NONO: variants seen among roughly 807,000 people sequenced by gnomAD.
NONO encodes non-POU domain-containing octamer-binding protein.
Under a neutral mutation model 40.2 loss-of-function variants are expected in NONO, and 6 were observed. The ratio of observed to expected loss-of-function variants is 0.15; its 90% CI spans 0.08 to 0.29. The LOEUF (loss-of-function observed/expected upper bound fraction) is 0.29, where lower values mean the gene tolerates loss of function less well. NONO is among the 10% of genes least tolerant of loss of function. The pLI, the probability that NONO is intolerant of heterozygous loss-of-function variation, is 1.00. For missense variants in NONO, 133 were observed against 397.8 expected, an observed-to-expected ratio of 0.33 and a Z score of 5.66; for synonymous variants, 89 against 123.3, an observed-to-expected ratio of 0.72 and a Z score of 1.85.
At chrX:71,284,156 T>A in intron 1 of NONO, 1 of 111,980 alleles carries the variant, frequency 8.9e-6, no homozygotes, top group Non-Finnish European at 1.9e-5. Flanking sequence ...CCTCAAGCGA[T>A]ATTTCTTTGT....
In NONO at chrX:71,297,958, G is replaced by A. The variant is rs748362033; in HGVS notation, c.1131+20G>A. 5.8e-6 allele frequency: 6 copies of A among 1,040,425 alleles called. No homozygotes were observed. Among genetic ancestry groups the A allele is most frequent in the East Asian group, 3.0e-5 (1 of 32,944 alleles). The allele number at this position is 1,040,425 out of a possible 1,213,427, so 85.7% of individuals were successfully genotyped here. A position where few individuals can be genotyped will look rare whatever the true frequency, so the allele number is the denominator to read the frequency against. ...GATGCGGTATATCTCCCATGTGCCC[G>A]TGATGTACCAGACCAGTCCTGATAA... is the stretch of plus-strand genomic sequence containing the variant. On this transcript the variant is annotated intron_variant, in intron 9 of 11. Coordinates refer to ENST00000276079, the MANE Select transcript of NONO (RefSeq NM_007363.5).
Position 71,290,614 on chromosome X carries a change from A to T in NONO, c.-9-15A>T, listed in dbSNP as rs746580281. 1 of 1,190,187 alleles carries T rather than the reference A, an allele frequency of 8.4e-7. No homozygotes were observed. The highest frequency in any genetic ancestry group is 1.1e-6 in the Non-Finnish European group (1 of 879,265). ...TAGTACTGAATTTATTTATTAGTCTACTTTTTCTTTGTAGGGTGCAAAAAT... is the reference window on the plus strand; with the variant it reads ...TAGTACTGAATTTATTTATTAGTCTTCTTTTTCTTTGTAGGGTGCAAAAAT... On this transcript the variant is annotated splice_polypyrimidine_tract_variant and intron_variant, in intron 2 of 11. Transcript: ENST00000276079.
Position 71,300,385 on chromosome X carries a change from C to CG in NONO, c.*311dup. 3.7e-6 allele frequency: 1 copy of CG among 272,594 alleles called. No homozygotes were observed. The allele number at this position is 272,594 out of a possible 1,213,427, so 22.5% of individuals were successfully genotyped here. A position where few individuals can be genotyped will look rare whatever the true frequency, so the allele number is the denominator to read the frequency against. ...TAGAGCCCATTAATCTTGATCATTCCGGTTTTTTTTTTTTTTGTCCATCTT... is the reference window on the plus strand; with the variant it reads ...TAGAGCCCATTAATCTTGATCATTCCGGGTTTTTTTTTTTTTTGTCCATCTT... On this transcript the variant is annotated 3_prime_UTR_variant, in exon 12 of 12. Coordinates refer to ENST00000276079, the MANE Select transcript of NONO (RefSeq NM_007363.5).
chrX:71,289,657 A>C (rs750138167), intron 2 of NONO, among the ~76,000 whole-genome samples: 1 of 111,706 alleles, frequency 9.0e-6, no homozygotes, highest in East Asian at 2.8e-4. Context: ...GCTGGAGTGC[A>C]GTGGCACAGT....
chrX:71,300,597 G>GA lies in NONO; in HGVS notation c.*522dup, dbSNP rs936865006. ...CCCAAAATGCTGGGATTACAGGGGT[G>GA]AGCCACCGTGCCCAACCTCACTTGC... is the stretch of plus-strand genomic sequence containing the variant. On this transcript the variant is annotated 3_prime_UTR_variant, in exon 12 of 12. Coordinates refer to ENST00000276079, the MANE Select transcript of NONO (RefSeq NM_007363.5). 1.8e-4 allele frequency: 34 copies of GA among 185,524 alleles called. No homozygotes were observed. Among genetic ancestry groups the GA allele is most frequent in the Non-Finnish European group, 3.0e-4 (30 of 99,789 alleles). The allele number at this position is 185,524 out of a possible 1,213,427, so 15.3% of individuals were successfully genotyped here. A position where few individuals can be genotyped will look rare whatever the true frequency, so the allele number is the denominator to read the frequency against.
At chrX:71,286,603 A>G (rs1389242807) in intron 2 of NONO, among the ~76,000 whole-genome samples, 1 of 111,936 alleles carries the variant, frequency 8.9e-6, no homozygotes, top group African/African-American at 3.2e-5. Flanking sequence ...TTAAAATTAG[A>G]AAAAACCTTT....
At chrX:71,294,203 T>C in intron 4 of NONO, 24 bp from the exon 5 acceptor site, 1 of 1,204,737 alleles carries the variant, frequency 8.3e-7, no homozygotes, top group South Asian at 1.8e-5. Context: ...AACTGAGTTA[T>C]TCTGATTTTC....
At chrX:71,292,977 AACAT>A (rs973039810) in intron 4 of NONO, 2 of 112,163 alleles carry the variant, frequency 1.8e-5, no homozygotes, top group Non-Finnish European at 3.8e-5. Flanking sequence ...ATGATGGTAA[AACAT>A]ACATAACATA....
intron 9 of NONO, chrX:71,298,190 A>T (rs1248513442): frequency 1.6e-5 from 7 of 434,557 alleles, no homozygotes; most frequent in Non-Finnish European, 2.8e-5. Flanking sequence ...AACCTTGGCT[A>T]GTCCTCTGCT....
Position 71,299,944 on chromosome X carries a change from C to G in NONO, c.1284C>G (p.Thr428=). ...TMMPDGTLGL[T]PPTTERFGQA... Reference sequence around the variant, plus strand: ...GTTGCTCTCTTTTTCTCTTTAAGACCCCACCAACAACTGAACGCTTTGGTC... The same window carrying G: ...GTTGCTCTCTTTTTCTCTTTAAGACGCCACCAACAACTGAACGCTTTGGTC... The change falls in exon 12 of 12, where the codon ACC becomes ACG. Residue 428 remains threonine (T), a splice_region_variant and synonymous_variant. Transcript: ENST00000276079. The G allele has an allele frequency of 1.7e-6, 2 of 1,210,912 alleles. No individual in the cohort carries two copies. The highest frequency in any genetic ancestry group is 2.2e-6 in the Non-Finnish European group (2 of 895,109).
intron 11 of NONO, among the ~76,000 whole-genome samples, chrX:71,299,101 T>C (rs2031518864): frequency 8.9e-6 from 1 of 111,775 alleles, no homozygotes; most frequent in East Asian, 2.8e-4. Flanking sequence ...TTTGTATTTT[T>C]AGTAGAGATG....
At chrX:71,288,666 ACAGGCATGAGC>A (rs1395419255) in intron 2 of NONO, among the ~76,000 whole-genome samples, 1 of 113,055 alleles carries the variant, frequency 8.8e-6, no homozygotes, top group East Asian at 2.8e-4. Context: ...TGCTGGGATT[ACAGGCATGAGC>A]CATCTCGCCT....
chrX:71,284,175 T>C (rs777674223), intron 1 of NONO: 4 of 112,470 alleles, frequency 3.6e-5, no homozygotes, highest in Non-Finnish European at 7.5e-5. Flanking sequence ...GTCAAAACTC[T>C]TAGCTGGAAA....
At chrX:71,287,865 C>T (rs1437176363) in intron 2 of NONO, among the ~76,000 whole-genome samples, 2 of 87,288 alleles carry the variant, frequency 2.3e-5, no homozygotes, top group African/African-American at 9.3e-5. Flanking sequence ...CCCCCCTACC[C>T]TTTTTTTTTT....
At chrX:71,296,807 G>A (rs753354193) in intron 6 of NONO, 44 bp from the exon 7 acceptor site, 1 of 1,149,673 alleles carries the variant, frequency 8.7e-7, no homozygotes, top group Middle Eastern at 2.4e-4. Flanking sequence ...TCTTAGCTGG[G>A]GTAATTCTGG....
Position 71,284,437 on chromosome X carries a change from C to G in NONO, c.-26C>G, listed in dbSNP as rs1010633277. The G allele has an allele frequency of 4.5e-5, 5 of 111,885 alleles. No homozygotes were observed. The highest frequency in any genetic ancestry group is 1.6e-4 in the African/African-American group (5 of 30,777). 9.2% of individuals were successfully genotyped at this position (111,885 alleles called of 1,213,427 possible). On this transcript the variant is annotated 5_prime_UTR_variant, in exon 2 of 12. Transcript: ENST00000276079. ...AGGGAACTGGGAGGCACTTTGCTGT[C>G]TGCAATCGAAGTTGAGGTAGGTGTA...
chrX:71,288,030 T>G (rs1177177220), intron 2 of NONO, among the ~76,000 whole-genome samples: 1 of 105,658 alleles, frequency 9.5e-6, no homozygotes. Flanking sequence ...TTTTTTTTAT[T>G]TCAACGTTTG....
At chrX:71,291,533 TTCTTTC>T (rs1266657272) in intron 3 of NONO, among the ~76,000 whole-genome samples, 1 of 111,800 alleles carries the variant, frequency 8.9e-6, no homozygotes, top group African/African-American at 3.3e-5. Context: ...GCCTATATTT[TTCTTTC>T]TCTTGCTTAG....
intron 2 of NONO, among the ~76,000 whole-genome samples, chrX:71,287,747 T>G (rs1412321003): frequency 9.1e-6 from 1 of 109,307 alleles, no homozygotes; most frequent in Admixed American, 9.8e-5. Context: ...TGCAGTGTTA[T>G]GATTTGCCTC....
Sources: allele counts gnomAD v4.1 joint callset (sites outside exome capture counted in the v4.1 genomes callset), GRCh38; gene constraint gnomAD v4.1.1; transcripts MANE v1.5; gene names NCBI Gene and HGNC (gene_info 2026-07-23, HGNC 2026-07-21).